RBFOX1: variants seen among roughly 807,000 people sequenced by gnomAD.
RBFOX1 encodes the protein RNA binding fox-1 homolog 1, also known as RNA binding protein fox-1 homolog 1.
RBFOX1 carries 8 observed loss-of-function variants against 57.7 expected under a neutral mutation model. The observed-to-expected ratio is 0.14, with a 90% CI of 0.08 to 0.25. The LOEUF is 0.25. Ranked by LOEUF, RBFOX1 falls within the 10% of genes least tolerant of loss-of-function variation. The pLI is 1.00. For missense variants in RBFOX1, 611 were observed against 548.5 expected (o/e 1.11, Z -1.14); for synonymous variants, 326 against 222.4 (o/e 1.47, Z -4.15).
intron 2 of RBFOX1, among the ~76,000 whole-genome samples, chr16:5,528,210 G>C (rs1383561041): frequency 6.6e-6 from 1 of 152,146 alleles, no homozygotes; most frequent in African/African-American, 2.4e-5. Flanking sequence ...CCTTGACGAT[G>C]ATCCACAGAG....
chr16:6,539,869 A>T (rs991242586), intron 2 of RBFOX1, among the ~76,000 whole-genome samples: 2 of 140,376 alleles, frequency 1.4e-5, no homozygotes, highest in East Asian at 4.5e-4. Flanking sequence ...TCTTCCTACA[A>T]GCTGTCTTTT....
chr16:6,217,660 C>T (rs759085793), intron 1 of RBFOX1, among the ~76,000 whole-genome samples: 1 of 152,170 alleles, frequency 6.6e-6, no homozygotes, highest in Non-Finnish European at 1.5e-5. Flanking sequence ...CTTGGGACCA[C>T]TTCATTTCTC....
intron 3 of RBFOX1, among the ~76,000 whole-genome samples, chr16:5,765,685 C>A (rs371739184): frequency 3.0e-4 from 46 of 152,180 alleles, no homozygotes; most frequent in African/African-American, 1.1e-3. Context: ...GGTATGGACT[C>A]GCCCCAAGGG....
At chr16:7,045,139 G>C (rs546778277) in intron 3 of RBFOX1, among the ~76,000 whole-genome samples, 3 of 152,276 alleles carry the variant, frequency 2.0e-5, no homozygotes, top group Non-Finnish European at 4.4e-5. Context: ...CCTAACTCAT[G>C]AGATGTGTAT....
intron 14 of RBFOX1, among the ~76,000 whole-genome samples, chr16:7,698,574 A>C (rs964642891): frequency 4.6e-5 from 7 of 152,138 alleles, no homozygotes; most frequent in Non-Finnish European, 7.4e-5. Context: ...GTAATATTTA[A>C]TATTTAGAAG....
At position 6,586,044 on chromosome 16, in the gene RBFOX1, A is replaced by G. The variant is rs1427686396; in HGVS notation, c.-63-68559A>G. Among the ~76,000 whole-genome samples, 4 of 152,226 alleles carry G rather than the reference A, an allele frequency of 2.6e-5. No individual in the cohort carries two copies. The East Asian group carries it at 7.7e-4, about 29-fold the overall frequency. On this transcript the variant is annotated intron_variant, in intron 2 of 15. Coordinates refer to ENST00000550418, the MANE Select transcript of RBFOX1 (RefSeq NM_018723.4). ...TACTGCAATGTATAGAACAGGTACTAGCTGTATTTAATAGTGAAGTTATGC... is the reference window on the plus strand; with the variant it reads ...TACTGCAATGTATAGAACAGGTACTGGCTGTATTTAATAGTGAAGTTATGC...
At chr16:7,632,503 C>T (rs535425431) in intron 11 of RBFOX1, among the ~76,000 whole-genome samples, 120 of 152,320 alleles carry the variant, frequency 7.9e-4, no homozygotes, top group African/African-American at 2.7e-3. Flanking sequence ...AGGGCAATCC[C>T]AGAGCCAGTG....
intron 4 of RBFOX1, among the ~76,000 whole-genome samples, chr16:7,156,122 T>C (rs561293528): frequency 6.6e-6 from 1 of 152,114 alleles, no homozygotes; most frequent in South Asian, 2.1e-4. Context: ...TCTGCCCACT[T>C]TGGCCTTCAA....
chr16:5,553,569 C>T (rs1259095274), intron 2 of RBFOX1, among the ~76,000 whole-genome samples: 4 of 151,754 alleles, frequency 2.6e-5, no homozygotes, highest in Non-Finnish European at 1.5e-5. Context: ...CCCGTCTCAG[C>T]CTCCCAAAGT....
intron 3 of RBFOX1, among the ~76,000 whole-genome samples, chr16:6,916,958 T>C (rs1445387948): frequency 6.6e-6 from 1 of 152,178 alleles, no homozygotes; most frequent in Non-Finnish European, 1.5e-5. Context: ...CAAGCGGTTT[T>C]CCTGCCTCAG....
At chr16:6,425,322 A>G (rs773062125) in intron 2 of RBFOX1, among the ~76,000 whole-genome samples, 3 of 152,164 alleles carry the variant, frequency 2.0e-5, no homozygotes, top group Non-Finnish European at 2.9e-5. Flanking sequence ...CTGAAGGAGG[A>G]ATACTCTAAA....
intron 4 of RBFOX1, among the ~76,000 whole-genome samples, chr16:7,276,220 C>T (rs1307429096): frequency 1.3e-5 from 2 of 152,182 alleles, no homozygotes; most frequent in Non-Finnish European, 2.9e-5. Flanking sequence ...TATCCAGAGA[C>T]TGAGCTATTT....
intron 3 of RBFOX1, among the ~76,000 whole-genome samples, chr16:6,850,710 T>A (rs2094013244): frequency 6.6e-6 from 1 of 152,228 alleles, no homozygotes; most frequent in Non-Finnish European, 1.5e-5. Flanking sequence ...AATCAATTTG[T>A]TGGCTAAAAT....
intron 1 of RBFOX1, among the ~76,000 whole-genome samples, chr16:5,329,644 T>C (rs11866629): frequency 1.6e-3 from 247 of 152,342 alleles, no homozygotes; most frequent in African/African-American, 5.7e-3. Flanking sequence ...TAACATTAAT[T>C]AGTTAGCTTA....
chr16:7,095,631 G>A (rs189989873), intron 4 of RBFOX1, among the ~76,000 whole-genome samples: 1 of 152,284 alleles, frequency 6.6e-6, no homozygotes, highest in Admixed American at 6.5e-5. Context: ...CATACCAGGT[G>A]GGAGCTTGGA....
intron 1 of RBFOX1, among the ~76,000 whole-genome samples, chr16:6,135,380 C>A (rs145869994): frequency 1.4e-3 from 212 of 152,232 alleles, no homozygotes; most frequent in African/African-American, 4.7e-3. Context: ...CCATAGAATT[C>A]AGTGCAGGTA....
chr16:7,532,395 C>T (rs1567697229), intron 5 of RBFOX1, among the ~76,000 whole-genome samples: 2 of 151,986 alleles, frequency 1.3e-5, no homozygotes, highest in South Asian at 2.1e-4. Context: ...ATGTTGGGGA[C>T]GAGGGGAGAT....
At position 6,887,621 on chromosome 16, in the gene RBFOX1, C is replaced by A. The variant is rs535621701; in HGVS notation, c.-15-164436C>A. The stretch of plus-strand genomic sequence containing the variant: ...TAGAGGTCTTCAGGAAGTTAGTAAC[C>A]CTAGTTTTAGAAGGGTTTGGTTGTT... On this transcript the variant is annotated intron_variant, in intron 3 of 15. Coordinates refer to ENST00000550418, the MANE Select transcript of RBFOX1 (RefSeq NM_018723.4). 4.0e-5 allele frequency among the ~76,000 whole-genome samples: 6 copies of A among 151,714 alleles called. No individual in the cohort carries two copies. The East Asian group carries it at 1.2e-3, about 30-fold the overall frequency.
At chr16:5,638,887 TG>T (rs2048771625) in intron 3 of RBFOX1, among the ~76,000 whole-genome samples, 2 of 152,232 alleles carry the variant, frequency 1.3e-5, no homozygotes, top group African/African-American at 4.8e-5. Context: ...AGCCTTCTTC[TG>T]AGCAAACTCC....
Sources: allele counts gnomAD v4.1 joint callset (sites outside exome capture counted in the v4.1 genomes callset), GRCh38; gene constraint gnomAD v4.1.1; transcripts MANE v1.5; gene names NCBI Gene and HGNC (gene_info 2026-07-23, HGNC 2026-07-21).